CCDC178: variants seen among roughly 807,000 people sequenced by gnomAD.
The protein encoded by CCDC178 is coiled-coil domain containing 178.
Under a neutral mutation model 117.4 loss-of-function variants are expected in CCDC178, and 126 were observed. The observed-to-expected ratio is 1.07, with a 90% CI of 0.93 to 1.24. The LOEUF is 1.24. CCDC178 is among the 50% of genes most tolerant of loss of function. The pLI, the probability that CCDC178 is intolerant of heterozygous loss-of-function variation, is 0.00. For missense variants in CCDC178, 1,030 were observed against 986.9 expected (o/e 1.04, Z -0.59); for synonymous variants, 283 against 313.4 (o/e 0.90, Z 1.02).
chr18:33,207,363 G>A (rs539251621), intron 20 of CCDC178, among the ~76,000 whole-genome samples: 53 of 151,802 alleles, frequency 3.5e-4, no homozygotes, highest in African/African-American at 1.2e-3. Context: ...ATAAACCATA[G>A]CCAATTAACG....
chr18:32,989,568 T>C (rs758649283), intron 21 of CCDC178, among the ~76,000 whole-genome samples: 14 of 152,182 alleles, frequency 9.2e-5, no homozygotes, highest in African/African-American at 3.1e-4. Context: ...AAAGCAGTCA[T>C]AGAAGAGATG....
chr18:33,172,940 G>T (rs751399503), intron 20 of CCDC178, among the ~76,000 whole-genome samples: 12 of 152,044 alleles, frequency 7.9e-5, no homozygotes, highest in Non-Finnish European at 1.5e-4. Context: ...ATAATTTTAT[G>T]CTTCTTCAGA....
At chr18:33,220,296 T>G (rs1426485292) in intron 18 of CCDC178, among the ~76,000 whole-genome samples, 1 of 152,036 alleles carries the variant, frequency 6.6e-6, no homozygotes, top group Admixed American at 6.6e-5. Context: ...CTGTGCCTTT[T>G]ATGACTCACA....
intron 14 of CCDC178, among the ~76,000 whole-genome samples, chr18:33,256,723 C>T (rs768793772): frequency 4.6e-5 from 7 of 151,910 alleles, no homozygotes; most frequent in Non-Finnish European, 1.0e-4. Flanking sequence ...TTCAGATTTT[C>T]TCTCTTTTTC....
chr18:33,162,539 G>T (rs1163446230), intron 20 of CCDC178, among the ~76,000 whole-genome samples: 3 of 152,062 alleles, frequency 2.0e-5, no homozygotes, highest in Admixed American at 6.6e-5. Context: ...CAGATATTAA[G>T]CCTAGTACCT....
intron 4 of CCDC178, among the ~76,000 whole-genome samples, chr18:33,391,312 A>G (rs1039657880): frequency 1.3e-5 from 2 of 151,992 alleles, no homozygotes; most frequent in Non-Finnish European, 2.9e-5. Context: ...ATATTGTATT[A>G]GAAAAAAATC....
intron 5 of CCDC178, among the ~76,000 whole-genome samples, chr18:33,371,917 A>G (rs2063307029): frequency 6.6e-6 from 1 of 151,976 alleles, no homozygotes; most frequent in South Asian, 2.1e-4. Flanking sequence ...CCCTCCCTTT[A>G]GAAATAAGAA....
intron 12 of CCDC178, among the ~76,000 whole-genome samples, chr18:33,269,803 T>C (rs1198616806): frequency 6.6e-6 from 1 of 151,778 alleles, no homozygotes; most frequent in African/African-American, 2.4e-5. Flanking sequence ...ATAAATACAT[T>C]GTATTTAAAA....
chr18:32,991,928 A>G (rs2055403469), intron 21 of CCDC178, among the ~76,000 whole-genome samples: 1 of 152,246 alleles, frequency 6.6e-6, no homozygotes, highest in South Asian at 2.1e-4. Flanking sequence ...ATCTAATGAT[A>G]GAAATTTTAG....
chr18:33,339,756 T>C (rs1293501652), intron 9 of CCDC178, among the ~76,000 whole-genome samples: 2 of 152,108 alleles, frequency 1.3e-5, no homozygotes, highest in Admixed American at 6.6e-5. Context: ...TTTCTGTTAT[T>C]GCTTCTTCCT....
chr18:33,237,570 GC>G (rs1209176067), intron 15 of CCDC178, among the ~76,000 whole-genome samples: 2 of 149,378 alleles, frequency 1.3e-5, no homozygotes, highest in African/African-American at 2.5e-5. Flanking sequence ...TGGCTGAAAT[GC>G]CCCCCATACC....
chr18:33,049,244 A>G (rs1455076800), intron 21 of CCDC178, among the ~76,000 whole-genome samples: 1 of 152,112 alleles, frequency 6.6e-6, no homozygotes, highest in African/African-American at 2.4e-5. Flanking sequence ...CTACAAAGCC[A>G]TGAAACATAT....
chr18:33,024,566 A>G (rs1259850364), intron 21 of CCDC178, among the ~76,000 whole-genome samples: 2 of 152,208 alleles, frequency 1.3e-5, no homozygotes, highest in South Asian at 2.1e-4. Context: ...TAGAACTTCA[A>G]CAATGAATTT....
rs60878431 is a variant in CCDC178 at position 33,241,429 on chromosome 18, CGTGTGTGTGTGT to C, written c.1593+3804_1593+3815del. Among the ~76,000 whole-genome samples the C allele has an allele frequency of 3.4e-4, 49 of 145,010 alleles. 1 individual carries two copies. The highest frequency in any genetic ancestry group is 2.9e-3 in the South Asian group (13 of 4,528). ...TGACCCTCTTTGCAGATTATATGATCGTGTGTGTGTGTGTGTGTGTGTGTGTGTGTGTGTGTG... is the reference window on the plus strand; with the variant it reads ...TGACCCTCTTTGCAGATTATATGATCGTGTGTGTGTGTGTGTGTGTGTGTG... On this transcript the variant is annotated intron_variant, in intron 15 of 22. Transcript: ENST00000383096.
chr18:33,192,864 G>C (rs1382081706), intron 20 of CCDC178, among the ~76,000 whole-genome samples: 1 of 148,306 alleles, frequency 6.7e-6, no homozygotes, highest in Non-Finnish European at 1.5e-5. Flanking sequence ...TCGTGCCACT[G>C]TACTCCAGCC....
At chr18:32,959,369 T>C (rs2054659935) in intron 22 of CCDC178, among the ~76,000 whole-genome samples, 1 of 152,158 alleles carries the variant, frequency 6.6e-6, no homozygotes, top group Non-Finnish European at 1.5e-5. Flanking sequence ...CATAGTGCAT[T>C]GAACTTTAGT....
At chr18:33,364,669 A>G (rs907506354) in intron 6 of CCDC178, among the ~76,000 whole-genome samples, 3 of 149,374 alleles carry the variant, frequency 2.0e-5, no homozygotes, top group Non-Finnish European at 3.0e-5. Flanking sequence ...AAAGAACAAT[A>G]TTTGTGTTCA....
intron 20 of CCDC178, among the ~76,000 whole-genome samples, chr18:33,172,733 G>T (rs1349739189): frequency 6.6e-6 from 1 of 152,070 alleles, no homozygotes; most frequent in Non-Finnish European, 1.5e-5. Flanking sequence ...ATGGCTTCTG[G>T]TGGGTGTTTT....
intron 6 of CCDC178, among the ~76,000 whole-genome samples, chr18:33,356,601 G>A (rs1424401721): frequency 1.3e-5 from 2 of 151,994 alleles, no homozygotes; most frequent in Non-Finnish European, 2.9e-5. Context: ...GAATAGGAAA[G>A]GGGGTTAGAC....
Sources: gnomAD v4.1 joint callset for allele counts (sites outside exome capture counted in the v4.1 genomes callset) on GRCh38, gnomAD v4.1.1 for gene constraint, MANE v1.5 for transcripts, NCBI Gene and HGNC (gene_info 2026-07-23, HGNC 2026-07-21) for gene names.